Variants in DYM observed in about 807,000 individuals in gnomAD.
The protein encoded by DYM is dymeclin, also known as dyggve-Melchior-Clausen syndrome protein.
Under a neutral mutation model 93.1 loss-of-function variants are expected in DYM, and 78 were observed. The observed-to-expected ratio is 0.84, with a 90% CI of 0.70 to 1.01. The LOEUF (loss-of-function observed/expected upper bound fraction) is 1.01. Among genes scored for constraint, DYM ranks in the 50% least tolerant of loss-of-function variants. DYM has a pLI of 0.00. For missense variants in DYM, 789 were observed against 845.0 expected (o/e 0.93, Z 0.82); for synonymous variants, 321 against 319.7 (o/e 1.00, Z -0.04).
At chr18:49,180,490 A>G (rs1165689347) in intron 14 of DYM, among the ~76,000 whole-genome samples, 1 of 152,184 alleles carries the variant, frequency 6.6e-6, no homozygotes, top group Non-Finnish European at 1.5e-5. Flanking sequence ...GAAATGAGAA[A>G]GTAGCCTATG....
At chr18:49,448,335 C>A (rs1433997305) in intron 1 of DYM, among the ~76,000 whole-genome samples, 1 of 152,150 alleles carries the variant, frequency 6.6e-6, no homozygotes, top group Non-Finnish European at 1.5e-5. Context: ...GAACCATTAT[C>A]TAAGGGTAAA....
intron 17 of DYM, among the ~76,000 whole-genome samples, chr18:49,092,259 T>C (rs1030188786): frequency 2.0e-5 from 3 of 152,232 alleles, no homozygotes; most frequent in Non-Finnish European, 4.4e-5. Flanking sequence ...TAAGCTGAAC[T>C]TGCCTTGGGC....
Position 49,347,550 on chromosome 18 carries a change from G to A in DYM, c.495-13697C>T, listed in dbSNP as rs577590323. Reference sequence around the variant, plus strand: ...CCTGCTTCTAAGCATCTATTAACTCGCTCTGTTAACCTCAACAAATAACTT... The same window carrying A: ...CCTGCTTCTAAGCATCTATTAACTCACTCTGTTAACCTCAACAAATAACTT... On this transcript the variant is annotated intron_variant, in intron 6 of 17. Coordinates refer to ENST00000675505, the MANE Select transcript of DYM (RefSeq NM_001353214.3). 5.9e-5 allele frequency among the ~76,000 whole-genome samples: 9 copies of A among 152,182 alleles called. No individual in the cohort carries two copies. In the East Asian group the frequency reaches 1.7e-3, roughly 29 times the overall value.
intron 5 of DYM, chr18:49,368,755 A>T (rs1349241230): frequency 6.6e-6 from 1 of 152,230 alleles, no homozygotes; most frequent in African/African-American, 2.4e-5. Flanking sequence ...GAGTTTGGCA[A>T]AACAAACATG....
At chr18:49,119,251 T>C (rs1205607674) in intron 15 of DYM, among the ~76,000 whole-genome samples, 1 of 152,220 alleles carries the variant, frequency 6.6e-6, no homozygotes, top group Admixed American at 6.5e-5. Flanking sequence ...CATTATCGTA[T>C]TACCCTAAAT....
At position 49,084,654 on chromosome 18, in the gene DYM, G is replaced by C. The variant is rs560762089; in HGVS notation, c.2025+12748C>G. Among the ~76,000 whole-genome samples the C allele has an allele frequency of 4.7e-4, 71 of 152,108 alleles. 1 individual carries two copies. Among genetic ancestry groups the C allele is most frequent in the Admixed American group, 1.8e-3 (27 of 15,282 alleles). Reference sequence around the variant, plus strand: ...GTAGCTCAAAATTTGAAATAATCTAGATGTCCACCAATAGAATGGAGAAAC... The same window carrying C: ...GTAGCTCAAAATTTGAAATAATCTACATGTCCACCAATAGAATGGAGAAAC... On this transcript the variant is annotated intron_variant, in intron 17 of 17. Transcript: ENST00000675505.
intron 17 of DYM, among the ~76,000 whole-genome samples, chr18:49,081,519 AGGGAGAGGGGAGAGGGGAGAGGGGAGAG>A (rs55920237): frequency 0.38 from 47,628 of 124,208 alleles, 9,316 homozygotes; most frequent in Middle Eastern, 0.53. Context: ...GGAGACCGAG[AGGGAGAGGGGAGAGGGGAGAGGGGAGAG>A]GGGAGAGGGG....
At chr18:49,173,664 T>C (rs1331169758) in intron 14 of DYM, among the ~76,000 whole-genome samples, 3 of 152,122 alleles carry the variant, frequency 2.0e-5, no homozygotes, top group African/African-American at 7.2e-5. Context: ...ATAAAATTAT[T>C]ATATACTGAC....
chr18:49,454,312 G>A (rs1020603639), intron 1 of DYM, among the ~76,000 whole-genome samples: 1 of 152,176 alleles, frequency 6.6e-6, no homozygotes, highest in African/African-American at 2.4e-5. Context: ...TTAATGAAAA[G>A]CAGCCCCAAA....
intron 14 of DYM, among the ~76,000 whole-genome samples, chr18:49,187,432 A>C (rs577617360): frequency 5.9e-5 from 9 of 152,308 alleles, no homozygotes; most frequent in Admixed American, 2.0e-4. Flanking sequence ...CAAACACTAT[A>C]CATTTAGTGA....
At chr18:49,390,571 G>C (rs77905669) in intron 3 of DYM, 6 of 151,800 alleles carry the variant, frequency 4.0e-5, no homozygotes, top group African/African-American at 1.4e-4. Flanking sequence ...GCAGTGGCGC[G>C]ATCTCGGCTC....
chr18:49,271,738 G>A (rs2094704545), intron 11 of DYM, among the ~76,000 whole-genome samples: 1 of 151,700 alleles, frequency 6.6e-6, no homozygotes, highest in East Asian at 1.9e-4. Flanking sequence ...CTCTCCAACA[G>A]GACCAAAATT....
chr18:49,395,880 C>G (rs981422639), intron 2 of DYM, among the ~76,000 whole-genome samples: 16 of 152,010 alleles, frequency 1.1e-4, no homozygotes, highest in Non-Finnish European at 2.2e-4. Context: ...AAATCTGATC[C>G]CCAATGTTAG....
intron 2 of DYM, among the ~76,000 whole-genome samples, chr18:49,422,900 G>C (rs974563629): frequency 3.3e-5 from 5 of 152,230 alleles, no homozygotes; most frequent in Admixed American, 1.3e-4. Context: ...CATAAAGCAA[G>C]TCCTTAGAGA....
chr18:49,044,131 G>C lies in DYM; in HGVS notation c.2099C>G (p.Ser700Cys). 1 of 1,614,142 alleles carries C rather than the reference G, an allele frequency of 6.2e-7. No homozygotes were observed. Among genetic ancestry groups the C allele is most frequent in the East Asian group, 2.2e-5 (1 of 44,884 alleles). Residue 700 changes from serine to cysteine, a missense_variant, in exon 18 of 18, where the codon TCT becomes TGT. Coordinates refer to ENST00000675505, the MANE Select transcript of DYM (RefSeq NM_001353214.3). Reference sequence around the variant, plus strand: ...GCCGACTGCTGAGTTGTAGACAAGAGACCAGACATAGGGGATAAAAAACTC... The same window carrying C: ...GCCGACTGCTGAGTTGTAGACAAGACACCAGACATAGGGGATAAAAAACTC... ...PEEFFIPYVW[S>C]LVYNSAVGLY...
At chr18:49,201,361 T>C (rs926168885) in intron 14 of DYM, among the ~76,000 whole-genome samples, 1 of 152,168 alleles carries the variant, frequency 6.6e-6, no homozygotes, top group African/African-American at 2.4e-5. Context: ...TCTTTTTCCA[T>C]CTCTACTGCC....
chr18:49,086,781 A>G (rs1004764423), intron 17 of DYM, among the ~76,000 whole-genome samples: 1 of 152,000 alleles, frequency 6.6e-6, no homozygotes, highest in Non-Finnish European at 1.5e-5. Flanking sequence ...TGAGGTCAGG[A>G]GTTCGAGATC....
intron 17 of DYM, chr18:49,093,363 G>A (rs1306634245): frequency 6.6e-6 from 1 of 152,454 alleles, no homozygotes; most frequent in Non-Finnish European, 1.5e-5. Flanking sequence ...CACAACTTAA[G>A]TCAGGAGTTA....
chr18:49,272,328 C>T (rs372638300), intron 10 of DYM, 25 bp from the exon 11 acceptor site: 1 of 1,361,586 alleles, frequency 7.3e-7, no homozygotes, highest in African/African-American at 1.4e-5. Flanking sequence ...TTATAATTGA[C>T]TATTTCAATA....
Sources: allele counts gnomAD v4.1 joint callset (sites outside exome capture counted in the v4.1 genomes callset), GRCh38; gene constraint gnomAD v4.1.1; transcripts MANE v1.5; gene names NCBI Gene and HGNC (gene_info 2026-07-23, HGNC 2026-07-21).